The following ELP4 variants were observed in gnomAD, a reference collection of about 807,000 sequenced individuals.
ELP4 encodes elongator acetyltransferase complex subunit 4, also known as elongator complex protein 4.
ELP4 carries 51 observed loss-of-function variants against 48.9 expected under a neutral mutation model. That is an observed-to-expected ratio of 1.04 (90% confidence interval 0.83 to 1.32). ELP4 has a LOEUF of 1.32. ELP4 is among the 40% of genes most tolerant of loss of function. The probability of loss-of-function intolerance (pLI) is 0.00; values close to 1 mark genes in which losing one functional copy is unlikely to be tolerated. For missense variants in ELP4, 519 were observed against 514.6 expected (o/e 1.01, Z -0.08); for synonymous variants, 210 against 189.2 (o/e 1.11, Z -0.90).
At chr11:31,600,575 T>C (rs910371713) in intron 4 of ELP4, 3 of 152,182 alleles carry the variant, frequency 2.0e-5, no homozygotes, top group Admixed American at 6.5e-5. Context: ...TCTCATTCTC[T>C]AGTGAATCAT....
intron 7 of ELP4, among the ~76,000 whole-genome samples, chr11:31,642,199 T>C (rs1945113612): frequency 6.6e-6 from 1 of 151,368 alleles, no homozygotes; most frequent in African/African-American, 2.4e-5. Flanking sequence ...TTTGTAATGT[T>C]TTATAGAATA....
chr11:31,763,438 G>A (rs1947987582), intron 9 of ELP4: 1 of 1,608,844 alleles, frequency 6.2e-7, no homozygotes, highest in Non-Finnish European at 8.5e-7. Flanking sequence ...CTTGAGACAA[G>A]AGAGGAACAT....
chr11:31,694,305 G>A (rs1197448283), intron 9 of ELP4, among the ~76,000 whole-genome samples: 1 of 152,042 alleles, frequency 6.6e-6, no homozygotes, highest in African/African-American at 2.4e-5. Flanking sequence ...GGTCTAACAT[G>A]TAAGTCTTTA....
At chr11:31,521,874 A>T (rs1372602519) in intron 2 of ELP4, among the ~76,000 whole-genome samples, 2 of 152,126 alleles carry the variant, frequency 1.3e-5, no homozygotes, top group African/African-American at 4.8e-5. Flanking sequence ...CCATTTAATC[A>T]TTTTGGTCCT....
At chr11:31,646,166 A>G (rs1945192299) in intron 7 of ELP4, 1 of 151,758 alleles carries the variant, frequency 6.6e-6, no homozygotes, top group Non-Finnish European at 1.5e-5. Context: ...TTTTCTCACC[A>G]TTGAATGAAA....
At chr11:31,744,625 C>G (rs1413070666) in intron 9 of ELP4, among the ~76,000 whole-genome samples, 1 of 152,168 alleles carries the variant, frequency 6.6e-6, no homozygotes, top group East Asian at 1.9e-4. Context: ...TTAAACAGAA[C>G]CAAAGACAAA....
At chr11:31,517,078 T>G (rs757232638) in intron 1 of ELP4, among the ~76,000 whole-genome samples, 3 of 152,204 alleles carry the variant, frequency 2.0e-5, no homozygotes, top group Non-Finnish European at 4.4e-5. Context: ...TTAGCACAAG[T>G]CTCATGTTGC....
At chr11:31,561,506 A>G (rs989614199) in intron 3 of ELP4, among the ~76,000 whole-genome samples, 1 of 152,112 alleles carries the variant, frequency 6.6e-6, no homozygotes, top group Non-Finnish European at 1.5e-5. Context: ...CAGTGGTGCA[A>G]TCGCAGCTCA....
chr11:31,577,345 C>A (rs1357244216), intron 3 of ELP4, among the ~76,000 whole-genome samples: 1 of 152,182 alleles, frequency 6.6e-6, no homozygotes, highest in African/African-American at 2.4e-5. Flanking sequence ...CAGCCAAATT[C>A]TACCAGAGGT....
intron 7 of ELP4, among the ~76,000 whole-genome samples, chr11:31,638,348 T>C (rs1328223032): frequency 6.6e-6 from 1 of 151,830 alleles, no homozygotes; most frequent in East Asian, 1.9e-4. Flanking sequence ...TTCAACCAAA[T>C]TTCAGATTTG....
intron 9 of ELP4, among the ~76,000 whole-genome samples, chr11:31,741,909 G>A (rs1420194510): frequency 1.3e-5 from 2 of 152,180 alleles, no homozygotes; most frequent in Non-Finnish European, 2.9e-5. Context: ...TGACTCTGAC[G>A]AGTTGAGAGA....
At chr11:31,515,246 C>A (rs1276925412) in intron 1 of ELP4, among the ~76,000 whole-genome samples, 2 of 151,978 alleles carry the variant, frequency 1.3e-5, no homozygotes, top group African/African-American at 2.4e-5. Context: ...AACCTTCTTA[C>A]CTTTTTGTAA....
At chr11:31,760,934 C>T (rs1947932546) in intron 9 of ELP4, among the ~76,000 whole-genome samples, 1 of 152,190 alleles carries the variant, frequency 6.6e-6, no homozygotes, top group Non-Finnish European at 1.5e-5. Flanking sequence ...AATAACTATA[C>T]ATCCCCAAGA....
intron 9 of ELP4, among the ~76,000 whole-genome samples, chr11:31,675,111 T>C (rs936592328): frequency 6.6e-6 from 1 of 152,188 alleles, no homozygotes; most frequent in Non-Finnish European, 1.5e-5. Context: ...CTGGTTTCCT[T>C]AGCATATACA....
At chr11:31,623,390 T>A (rs9665974) in intron 5 of ELP4, among the ~76,000 whole-genome samples, 3,468 of 92,200 alleles carry the variant, frequency 0.038, 446 homozygotes, top group Admixed American at 0.11. Flanking sequence ...TATATATATA[T>A]AAAACTAGAA....
At chr11:31,779,864 C>G (rs1482337866) in intron 9 of ELP4, 1 of 152,222 alleles carries the variant, frequency 6.6e-6, no homozygotes, top group African/African-American at 2.4e-5. Flanking sequence ...AGCCAGCCAG[C>G]TATCCATCTC....
chr11:31,723,478 C>T (rs1237424060), intron 9 of ELP4, among the ~76,000 whole-genome samples: 1 of 152,164 alleles, frequency 6.6e-6, no homozygotes, highest in African/African-American at 2.4e-5. Context: ...AACACAGGAC[C>T]CTTCGAAGCA....
intron 3 of ELP4, among the ~76,000 whole-genome samples, chr11:31,548,005 C>G (rs1264033305): frequency 6.6e-6 from 1 of 152,154 alleles, no homozygotes. Flanking sequence ...TAAGAGCTAT[C>G]TATGACAAAC....
chr11:31,637,504 A>G (rs1048938652), intron 7 of ELP4, among the ~76,000 whole-genome samples: 1 of 151,994 alleles, frequency 6.6e-6, no homozygotes, highest in African/African-American at 2.4e-5. Flanking sequence ...GTAAATACCC[A>G]TATTAAAGGT....
Sources: gnomAD v4.1 joint callset for allele counts (sites outside exome capture counted in the v4.1 genomes callset) on GRCh38, gnomAD v4.1.1 for gene constraint, MANE v1.5 for transcripts, NCBI Gene and HGNC (gene_info 2026-07-23, HGNC 2026-07-21) for gene names.